The following RELN variants were observed in gnomAD, a reference collection of about 807,000 sequenced individuals.
RELN encodes the protein reelin.
Under a neutral mutation model 427.6 loss-of-function variants are expected in RELN, and 108 were observed. The observed-to-expected ratio is 0.25, with a 90% CI of 0.22 to 0.30. The LOEUF is 0.30. Ranked by LOEUF, RELN falls within the 10% of genes least tolerant of loss-of-function variation. The pLI is 1.00. For missense variants in RELN, 3,715 were observed against 4,302.8 expected, an observed-to-expected ratio of 0.86 and a Z score of 3.82; for synonymous variants, 1,524 against 1,513.4, an observed-to-expected ratio of 1.01 and a Z score of -0.16.
intron 1 of RELN, among the ~76,000 whole-genome samples, chr7:103,947,392 G>A (rs1796242504): frequency 6.6e-6 from 1 of 152,150 alleles, no homozygotes; most frequent in Non-Finnish European, 1.5e-5. Flanking sequence ...GAGATCATTA[G>A]GGTGGATCCT....
chr7:103,728,391 A>T (rs1790267404), intron 6 of RELN, among the ~76,000 whole-genome samples, 184 bp from the exon 7 acceptor site: 1 of 152,208 alleles, frequency 6.6e-6, no homozygotes, highest in Admixed American at 6.5e-5. Flanking sequence ...TTGAACATAA[A>T]TCTCAATTCT....
rs112778062 is a variant in RELN, at chr7:103,717,034, C to A, written c.805+6106G>T. Among the ~76,000 whole-genome samples the A allele has an allele frequency of 4.3e-3, 659 of 152,142 alleles. 2 individuals are homozygous for A. Among genetic ancestry groups the A allele is most frequent in the Non-Finnish European group, 6.9e-3 (467 of 67,992 alleles). On this transcript the variant is annotated intron_variant, in intron 8 of 64. Coordinates refer to ENST00000428762, the MANE Select transcript of RELN (RefSeq NM_005045.4). ...AATGAATTACTGACATTTTTCTAAG[C>A]CTCATTAGATGAGTGACAAATTGAA... is the stretch of plus-strand genomic sequence containing the variant.
intron 13 of RELN, among the ~76,000 whole-genome samples, chr7:103,653,700 T>C (rs1432751880): frequency 1.3e-5 from 2 of 152,000 alleles, no homozygotes; most frequent in Non-Finnish European, 2.9e-5. Context: ...AAAGCAAAGA[T>C]AACCTGTGCT....
chr7:103,987,821 T>G (rs1358915713), intron 1 of RELN, among the ~76,000 whole-genome samples: 1 of 152,194 alleles, frequency 6.6e-6, no homozygotes, highest in Admixed American at 6.5e-5. Context: ...ATTTCTAAAA[T>G]TCCACCAAAT....
At chr7:103,776,527 T>A in intron 4 of RELN, 30 bp downstream of exon 4, 1 of 1,610,166 alleles carries the variant, frequency 6.2e-7, no homozygotes, top group African/African-American at 1.3e-5. Context: ...AGTTTGGACA[T>A]AACACAAACA....
At position 103,738,118 on chromosome 7, in the gene RELN, G is replaced by T. The variant is rs543684773; in HGVS notation, c.657-9911C>A. Among the ~76,000 whole-genome samples, 9 of 148,918 alleles carry T rather than the reference G, an allele frequency of 6.0e-5. No individual in the cohort carries two copies. The South Asian group carries it at 1.5e-3, about 25-fold the overall frequency. ...GGGAAACATCTGTTGTCATCTAGTT[G>T]CCAGTTATCATTGTGTTTTTTAATA... On this transcript the variant is annotated intron_variant, in intron 6 of 64. Coordinates refer to ENST00000428762, the MANE Select transcript of RELN (RefSeq NM_005045.4).
At chr7:103,607,217 A>C (rs932923413) in intron 22 of RELN, among the ~76,000 whole-genome samples, 2 of 152,156 alleles carry the variant, frequency 1.3e-5, no homozygotes, top group Non-Finnish European at 2.9e-5. Flanking sequence ...CACGTTGTGC[A>C]CATGTACCCT....
intron 8 of RELN, among the ~76,000 whole-genome samples, chr7:103,704,321 A>G (rs1019477804): frequency 2.0e-5 from 3 of 152,166 alleles, no homozygotes; most frequent in Admixed American, 2.0e-4. Context: ...TGGCTTTTAA[A>G]AAATTTCTAG....
chr7:103,508,408 AT>A (rs2117054628), intron 51 of RELN, among the ~76,000 whole-genome samples: 1 of 152,356 alleles, frequency 6.6e-6, no homozygotes, highest in South Asian at 2.1e-4. Flanking sequence ...AAATGCCATG[AT>A]TATCTCAATA....
At chr7:103,500,661 A>ATAGAT (rs1467648320) in intron 53 of RELN, 84 bp downstream of exon 53, 32 of 1,379,578 alleles carry the variant, frequency 2.3e-5, no homozygotes, top group African/African-American at 4.3e-5. Flanking sequence ...GGACATTGTT[A>ATAGAT]TAGATTATGT....
chr7:103,547,485 T>C (rs528282986), intron 41 of RELN, among the ~76,000 whole-genome samples: 4 of 152,176 alleles, frequency 2.6e-5, no homozygotes, highest in Middle Eastern at 3.4e-3. Context: ...TTAATAGAGA[T>C]AGGGTTTCAT....
At chr7:103,585,803 C>T (rs542112358) in intron 28 of RELN, among the ~76,000 whole-genome samples, 3 of 152,234 alleles carry the variant, frequency 2.0e-5, no homozygotes, top group African/African-American at 4.8e-5. Flanking sequence ...ACACAAAAAT[C>T]CTCAAGAAAA....
chr7:103,646,351 G>A (rs1386704174), intron 16 of RELN, among the ~76,000 whole-genome samples: 2 of 151,476 alleles, frequency 1.3e-5, no homozygotes, highest in Admixed American at 1.3e-4. Flanking sequence ...TTTAAAAGGT[G>A]AACCAAGTTG....
chr7:103,488,461 T>G (rs1828524190), intron 60 of RELN, among the ~76,000 whole-genome samples: 2 of 152,200 alleles, frequency 1.3e-5, no homozygotes, highest in South Asian at 4.1e-4. Context: ...CCAGCCGGTC[T>G]CAGTGACAAT....
intron 2 of RELN, among the ~76,000 whole-genome samples, chr7:103,907,443 A>G (rs1473146453): frequency 6.9e-5 from 10 of 144,188 alleles, no homozygotes; most frequent in South Asian, 4.4e-4. Flanking sequence ...AAAAAAAAAA[A>G]GCCAGGCACA....
intron 46 of RELN, among the ~76,000 whole-genome samples, chr7:103,524,442 A>T (rs1412269307): frequency 6.6e-6 from 1 of 152,196 alleles, no homozygotes; most frequent in Non-Finnish European, 1.5e-5. Flanking sequence ...CAGAAGCAGA[A>T]ATATATTTGC....
intron 1 of RELN, among the ~76,000 whole-genome samples, chr7:103,979,381 T>C (rs1006051898): frequency 6.6e-6 from 1 of 152,230 alleles, no homozygotes; most frequent in Non-Finnish European, 1.5e-5. Context: ...CCTAGCCTGG[T>C]TGCCATAAAG....
chr7:103,987,079 A>AAAAAAC (rs1457245074), intron 1 of RELN, among the ~76,000 whole-genome samples: 1 of 151,848 alleles, frequency 6.6e-6, no homozygotes, highest in South Asian at 2.1e-4. Context: ...TTTTACAAAA[A>AAAAAAC]AAAAAAAAAA....
intron 11 of RELN, among the ~76,000 whole-genome samples, chr7:103,674,122 A>G (rs1301963029): frequency 6.6e-6 from 1 of 152,308 alleles, no homozygotes; most frequent in East Asian, 1.9e-4. Flanking sequence ...TAACATTTCA[A>G]TACTCAAATT....
Sources: allele counts gnomAD v4.1 joint callset (sites outside exome capture counted in the v4.1 genomes callset), GRCh38; gene constraint gnomAD v4.1.1; transcripts MANE v1.5; gene names NCBI Gene and HGNC (gene_info 2026-07-23, HGNC 2026-07-21).